The following RBFOX1 variants were observed in gnomAD, a reference collection of about 807,000 sequenced individuals.
RBFOX1 encodes the protein RNA binding protein fox-1 homolog 1.
Under a neutral mutation model 57.7 loss-of-function variants are expected in RBFOX1, and 8 were observed. That is an observed-to-expected ratio of 0.14 (90% CI 0.08 to 0.25). The LOEUF (loss-of-function observed/expected upper bound fraction) is 0.25. RBFOX1 is among the 10% of genes least tolerant of loss of function. The pLI, the probability that RBFOX1 is intolerant of heterozygous loss-of-function variation, is 1.00. For missense variants in RBFOX1, 611 were observed against 548.5 expected (o/e 1.11, Z -1.14); for synonymous variants, 326 against 222.4 (o/e 1.47, Z -4.15).
intron 1 of RBFOX1, among the ~76,000 whole-genome samples, chr16:5,310,005 C>G (rs984550483): frequency 6.6e-6 from 1 of 152,202 alleles, no homozygotes; most frequent in Non-Finnish European, 1.5e-5. Flanking sequence ...AGCCTGAAAA[C>G]CTTTTTTGGC....
intron 1 of RBFOX1, among the ~76,000 whole-genome samples, chr16:5,354,998 T>C (rs1024657304): frequency 1.0e-5 from 1 of 95,606 alleles, no homozygotes; most frequent in Non-Finnish European, 2.6e-5. Flanking sequence ...AAGGGATGTG[T>C]ATGTGTATAT....
intron 4 of RBFOX1, among the ~76,000 whole-genome samples, chr16:7,482,127 A>T (rs1436261367): frequency 6.6e-6 from 1 of 152,208 alleles, no homozygotes; most frequent in Non-Finnish European, 1.5e-5. Context: ...CTCCTGCTCT[A>T]TAGTCATAAC....
intron 2 of RBFOX1, among the ~76,000 whole-genome samples, chr16:6,643,954 C>A (rs1314219719): frequency 1.3e-5 from 2 of 152,026 alleles, no homozygotes; most frequent in Non-Finnish European, 2.9e-5. Context: ...GGGGAAACCC[C>A]ATCTGTACTA....
rs71142618 is a variant in RBFOX1, at chr16:5,401,764, T to TCTCCTCCTCCTC, written c.220-65433_220-65422dup. Among the ~76,000 whole-genome samples the TCTCCTCCTCCTC allele has an allele frequency of 7.8e-3, 803 of 103,464 alleles. 2 individuals carry two copies. The highest frequency in any genetic ancestry group is 0.017 in the East Asian group (62 of 3,584). The allele number at this position is 103,464 out of a possible 152,430, so 67.9% of individuals were successfully genotyped here. On this transcript the variant is annotated intron_variant, in intron 1 of 2. Transcript: ENST00000585867. The stretch of plus-strand genomic sequence containing the variant: ...TTTTCTCTCTCTCTCTCCCTGTCTC[T>TCTCCTCCTCCTC]CTCCTCCTCCTCCTCCTCCTCCTCC...
chr16:6,648,123 A>G (rs2098548815), intron 2 of RBFOX1, among the ~76,000 whole-genome samples: 1 of 152,140 alleles, frequency 6.6e-6, no homozygotes, highest in Non-Finnish European at 1.5e-5. Flanking sequence ...GATTACAGGC[A>G]TGAGCCACTG....
intron 4 of RBFOX1, among the ~76,000 whole-genome samples, chr16:7,392,002 C>T (rs375783825): frequency 6.6e-6 from 1 of 152,206 alleles, no homozygotes; most frequent in South Asian, 2.1e-4. Context: ...CTCTGTCTTC[C>T]TTCCCCTCCT....
chr16:7,125,495 T>G (rs909229584), intron 4 of RBFOX1, among the ~76,000 whole-genome samples: 1 of 152,200 alleles, frequency 6.6e-6, no homozygotes, highest in African/African-American at 2.4e-5. Flanking sequence ...GTTTTCTAGT[T>G]TGAAGTTTGT....
chr16:6,154,818 T>C (rs1392102288), intron 1 of RBFOX1, among the ~76,000 whole-genome samples: 1 of 152,258 alleles, frequency 6.6e-6, no homozygotes, highest in East Asian at 1.9e-4. Context: ...AATTTGAAAA[T>C]AGCCTGTTCA....
intron 3 of RBFOX1, among the ~76,000 whole-genome samples, chr16:5,795,336 C>T (rs1017190871): frequency 1.3e-5 from 2 of 151,672 alleles, no homozygotes; most frequent in African/African-American, 4.8e-5. Flanking sequence ...CAAGGTCTTA[C>T]TCTGTTACCC....
At chr16:6,861,831 T>G (rs1262695876) in intron 3 of RBFOX1, among the ~76,000 whole-genome samples, 2 of 149,668 alleles carry the variant, frequency 1.3e-5, no homozygotes. Flanking sequence ...TGGTTTTTTT[T>G]TTTTTTTTTT....
intron 1 of RBFOX1, among the ~76,000 whole-genome samples, chr16:6,153,048 T>TG (rs1491119923): frequency 4.3e-5 from 6 of 140,852 alleles, no homozygotes; most frequent in African/African-American, 1.6e-4. Flanking sequence ...TTTTTTTTTT[T>TG]TGTTAATTTT....
intron 1 of RBFOX1, among the ~76,000 whole-genome samples, chr16:5,453,825 A>C (rs544119297): frequency 5.8e-4 from 89 of 152,306 alleles, no homozygotes; most frequent in African/African-American, 2.1e-3. Flanking sequence ...CAGTGCTAGG[A>C]AGTTAGCCGA....
intron 3 of RBFOX1, among the ~76,000 whole-genome samples, chr16:5,801,037 A>G (rs950808507): frequency 2.0e-5 from 3 of 152,128 alleles, no homozygotes; most frequent in Non-Finnish European, 2.9e-5. Context: ...CCCTCTGATC[A>G]CAGGATTGCC....
intron 4 of RBFOX1, among the ~76,000 whole-genome samples, chr16:7,378,883 A>G (rs1214854680): frequency 1.3e-5 from 2 of 152,176 alleles, no homozygotes; most frequent in African/African-American, 4.8e-5. Flanking sequence ...AAGTGGCAAT[A>G]ACGAAGGACT....
intron 3 of RBFOX1, among the ~76,000 whole-genome samples, chr16:5,613,584 G>A (rs766451198): frequency 2.0e-5 from 3 of 152,144 alleles, no homozygotes; most frequent in South Asian, 2.1e-4. Context: ...TGATAAAGAC[G>A]CCAGCATGTC....
rs375465199 is a variant in RBFOX1, at chr16:6,080,112, C to T, written c.-127+60120C>T. ...AGTGGATATCTTGAAGGGAGCCATG[C>T]AGGCATATTTCCACCTTGGTGTGTA... On this transcript the variant is annotated intron_variant, in intron 1 of 15. Coordinates refer to ENST00000550418, the MANE Select transcript of RBFOX1 (RefSeq NM_018723.4). Among the ~76,000 whole-genome samples the T allele has an allele frequency of 5.3e-5, 8 of 152,312 alleles. No homozygotes were observed. In the South Asian group the frequency reaches 1.5e-3, roughly 28 times the overall value.
intron 1 of RBFOX1, among the ~76,000 whole-genome samples, chr16:6,120,204 T>A (rs2096538642): frequency 6.6e-6 from 1 of 152,244 alleles, no homozygotes; most frequent in Admixed American, 6.5e-5. Context: ...GTTGTTTTCA[T>A]TATTTCCTTG....
chr16:5,970,553 G>C (rs1321422986), intron 4 of RBFOX1, among the ~76,000 whole-genome samples: 1 of 152,150 alleles, frequency 6.6e-6, no homozygotes, highest in Non-Finnish European at 1.5e-5. Context: ...TGCTCAAGTA[G>C]AAATAAGATA....
chr16:7,099,306 C>T (rs1025139959), intron 4 of RBFOX1, among the ~76,000 whole-genome samples: 7 of 152,112 alleles, frequency 4.6e-5, no homozygotes, highest in South Asian at 2.1e-4. Context: ...CAAGGAATTT[C>T]GTAATTCCTG....
Sources: allele counts gnomAD v4.1 joint callset (sites outside exome capture counted in the v4.1 genomes callset), GRCh38; gene constraint gnomAD v4.1.1; transcripts MANE v1.5; gene names NCBI Gene and HGNC (gene_info 2026-07-23, HGNC 2026-07-21).